Variants in CHRD observed in about 807,000 individuals in gnomAD.
The protein encoded by CHRD is chordin.
In CHRD, 69 loss-of-function variants were observed where a neutral mutation model predicts 113.7. The ratio of observed to expected loss-of-function variants is 0.61; its 90% CI spans 0.50 to 0.74. The LOEUF is 0.74. Ranked by LOEUF, CHRD falls within the 30% of genes least tolerant of loss-of-function variation. CHRD has a pLI of 0.00. For missense variants in CHRD, 1,194 were observed against 1,295.8 expected, an observed-to-expected ratio of 0.92 and a Z score of 1.21; for synonymous variants, 561 against 540.8, an observed-to-expected ratio of 1.04 and a Z score of -0.52.
intron 22 of CHRD, 44 bp downstream of exon 22, chr3:184,389,039 C>T (rs749923711): frequency 2.9e-6 from 4 of 1,374,942 alleles, no homozygotes; most frequent in Non-Finnish European, 4.1e-6. Flanking sequence ...GTGGAGGGCT[C>T]ACCTGCCTGT....
Position 184,384,572 on chromosome 3 carries a change from G to A in CHRD, c.1476G>A (p.Gly492=), listed in dbSNP as rs758551107. 2 of 1,596,650 alleles carry A rather than the reference G, an allele frequency of 1.3e-6. No homozygotes were observed. The highest frequency in any genetic ancestry group is 1.7e-6 in the Non-Finnish European group (2 of 1,171,588). Reference sequence around the variant, plus strand: ...TCTGCCCTGGGCTGGGTGCCCGAGGGGCTCATATGCTGCTGCAGAATGAGC... The same window carrying A: ...TCTGCCCTGGGCTGGGTGCCCGAGGAGCTCATATGCTGCTGCAGAATGAGC... The change falls in exon 13 of 23, where the codon GGG becomes GGA. Residue 492 remains glycine, a synonymous_variant. Transcript: ENST00000204604. This position sits in a 1 kb window ranked among gnomAD's most constrained non-coding sequence, Gnocchi z 4.4.
chr3:184,386,574 C>G (rs746170996), exon 16 of CHRD: 1 of 1,568,524 alleles, frequency 6.4e-7, no homozygotes, highest in Non-Finnish European at 8.6e-7. Context: ...CTGGGGGCTC[C>G]GGATACAGCC....
exon 16 of CHRD, chr3:184,386,584 C>T (rs1716332302): frequency 1.3e-6 from 2 of 1,590,306 alleles, no homozygotes; most frequent in African/African-American, 1.4e-5. Context: ...CGGATACAGC[C>T]TCTGCTGCGC....
At chr3:184,385,999 C>T in intron 14 of CHRD, 47 bp from the exon 15 acceptor site, 2 of 1,586,544 alleles carry the variant, frequency 1.3e-6, no homozygotes, top group Non-Finnish European at 1.7e-6. Context: ...ACAGTAGGCT[C>T]AGCCCTAAAG....
exon 16 of CHRD, chr3:184,386,505 A>G: frequency 1.3e-6 from 2 of 1,539,298 alleles, no homozygotes; most frequent in South Asian, 1.2e-5. Context: ...CACATAGCCA[A>G]CCAATGTGAG....
Position 184,382,494 on chromosome 3 carries a change from T to TG in CHRD, c.810dup (p.Pro271AlafsTer37). ...ACTCACTCACCCTTCAGGGGAGGTC[T>TG]GGGGGCCTCTCATCCGGCACCGGGC... On this transcript the variant is annotated frameshift_variant, in exon 7 of 23. Coordinates refer to ENST00000204604, the Ensembl canonical transcript of CHRD. LOFTEE classifies it high-confidence loss of function. 1 of 1,614,028 alleles carries TG rather than the reference T, an allele frequency of 6.2e-7. No homozygotes were observed. Among genetic ancestry groups the TG allele is most frequent in the Non-Finnish European group, 8.5e-7 (1 of 1,180,010 alleles).
Position 184,384,474 on chromosome 3 carries a change from C to A in CHRD, c.1441-63C>A, listed in dbSNP as rs1715971784. Reference sequence around the variant, plus strand: ...GGGTGGAGTGGGGGCACAAAATGGTCCAAGACTTCAGAACCTTGGACTCGT... The same window carrying A: ...GGGTGGAGTGGGGGCACAAAATGGTACAAGACTTCAGAACCTTGGACTCGT... On this transcript the variant is annotated intron_variant, in intron 12 of 22. Transcript: ENST00000204604. The surrounding 1 kb of genome is among the most constrained non-coding windows in gnomAD (Gnocchi z 4.4). The A allele has an allele frequency of 1.4e-6, 2 of 1,391,068 alleles. No individual in the cohort carries two copies. The highest frequency in any genetic ancestry group is 1.9e-5 in the South Asian group (1 of 52,738). 86.2% of individuals were successfully genotyped at this position (1,391,068 alleles called of 1,614,324 possible).
chr3:184,388,047 C>T lies in CHRD; in HGVS notation c.2554+14C>T, dbSNP rs764291710. The T allele has an allele frequency of 2.5e-6, 4 of 1,607,590 alleles. No individual in the cohort carries two copies. Among genetic ancestry groups the T allele is most frequent in the Admixed American group, 1.7e-5 (1 of 59,236 alleles). ...AACAGTGTCCAGGTGAGAGAGGTGGCTGAGCACTGAGGCCTCACCTTTGGG... is the reference window on the plus strand; with the variant it reads ...AACAGTGTCCAGGTGAGAGAGGTGGTTGAGCACTGAGGCCTCACCTTTGGG... On this transcript the variant is annotated intron_variant, in intron 20 of 22. Coordinates refer to ENST00000204604, the Ensembl canonical transcript of CHRD. The surrounding 1 kb of genome is among the most constrained non-coding windows in gnomAD (Gnocchi z 6.1).
In CHRD at chr3:184,381,754, G is replaced by A; in HGVS notation, c.550G>A (p.Val184Met). 2 of 1,613,222 alleles carry A rather than the reference G, an allele frequency of 1.2e-6. No homozygotes were observed. The highest frequency in any genetic ancestry group is 4.5e-5 in the East Asian group (2 of 44,872). The change falls in exon 5 of 23, where the codon GTG becomes ATG. Residue 184 changes from valine (V) to methionine (M), a missense_variant. Val to Met is a conservative substitution (Grantham distance 21). Transcript: ENST00000204604. This position sits in a 1 kb window ranked among gnomAD's most constrained non-coding sequence, Gnocchi z 4.7. ...GCTGACAGGGCCGAGGTCGCAGGCG[G>A]TGGCACGAGCCCGAGTCTCGCTGCT...
rs748776418 is a variant in CHRD at position 184,388,852 on chromosome 3, G to A, written c.2710-41G>A. The A allele has an allele frequency of 3.1e-6, 5 of 1,605,954 alleles. No homozygotes were observed. The South Asian group carries it at 4.4e-5, about 14-fold the overall frequency. On this transcript the variant is annotated intron_variant, in intron 21 of 22. Coordinates refer to ENST00000204604, the Ensembl canonical transcript of CHRD. The surrounding 1 kb of genome is among the most constrained non-coding windows in gnomAD (Gnocchi z 6.1). Reference sequence around the variant, plus strand: ...AAGCTGAAGGTCACTGTGTCCCAGTGCCTCTGGGGGACACTCAGTGTCTGC... The same window carrying A: ...AAGCTGAAGGTCACTGTGTCCCAGTACCTCTGGGGGACACTCAGTGTCTGC...
At chr3:184,389,409 C>A (rs772205933) in exon 23 of CHRD, 1 of 1,613,642 alleles carries the variant, frequency 6.2e-7, no homozygotes, top group Non-Finnish European at 8.5e-7. Context: ...GAGAAAGAAG[C>A]CGAAGGCTCT....
rs1335311880 is a variant in CHRD at position 184,388,163 on chromosome 3, G to C, written c.2554+130G>C. 1 of 781,356 alleles carries C rather than the reference G, an allele frequency of 1.3e-6. No individual in the cohort carries two copies. Among genetic ancestry groups the C allele is most frequent in the African/African-American group, 1.7e-5 (1 of 58,490 alleles). The allele number at this position is 781,356 out of a possible 1,614,324, so 48.4% of individuals were successfully genotyped here. A position where few individuals can be genotyped will look rare whatever the true frequency, so the allele number is the denominator to read the frequency against. On this transcript the variant is annotated intron_variant, in intron 20 of 22. Coordinates refer to ENST00000204604, the Ensembl canonical transcript of CHRD. This position sits in a 1 kb window ranked among gnomAD's most constrained non-coding sequence, Gnocchi z 6.1. ...TGCTCTGTGCCTAGCCTGGAGCCAG[G>C]ACTCTAAATGCAGTGGAAAGAATGT...
rs1226706342 is a variant in CHRD, at chr3:184,380,689, C to T, written c.149-3C>T. 1.3e-6 allele frequency: 2 copies of T among 1,580,850 alleles called. No individual in the cohort carries two copies. Among genetic ancestry groups the T allele is most frequent in the South Asian group, 1.1e-5 (1 of 87,892 alleles). On this transcript the variant is annotated splice_polypyrimidine_tract_variant and splice_region_variant and intron_variant, in intron 1 of 22. Transcript: ENST00000204604. This position sits in a 1 kb window ranked among gnomAD's most constrained non-coding sequence, Gnocchi z 6.3. ...CGGCCTCCAGCCAAGCCCGTCCCCG[C>T]AGGCTGCACCTTCGGCGGGAAGGTC...
chr3:184,381,239 AG>A lies in CHRD; in HGVS notation c.258del (p.Gln86HisfsTer91), dbSNP rs746958838. Reference sequence around the variant, plus strand: ...TCCCGCCTTTTCCGGGAGCAGCCTCAGTGGGGTCGCCGTACCAGGGGCCCTG... The same window carrying A: ...TCCCGCCTTTTCCGGGAGCAGCCTCATGGGGTCGCCGTACCAGGGGCCCTG... On this transcript the variant is annotated frameshift_variant, in exon 3 of 23. Coordinates refer to ENST00000204604, the Ensembl canonical transcript of CHRD. LOFTEE classifies it high-confidence loss of function. The surrounding 1 kb of genome is among the most constrained non-coding windows in gnomAD (Gnocchi z 4.7). The A allele has an allele frequency of 1.2e-6, 2 of 1,613,224 alleles. No homozygotes were observed. The highest frequency in any genetic ancestry group is 3.3e-5 in the Admixed American group (2 of 60,016).
At chr3:184,386,446 C>A in intron 15 of CHRD, 46 bp from the exon 16 acceptor site, 1 of 1,529,306 alleles carries the variant, frequency 6.5e-7, no homozygotes, top group African/African-American at 1.4e-5. Context: ...CTGGTAAAGA[C>A]GCGAGGGGGA....
intron 11 of CHRD, 24 bp from the exon 12 acceptor site, chr3:184,383,499 C>T: frequency 6.2e-7 from 1 of 1,613,372 alleles, no homozygotes; most frequent in South Asian, 1.1e-5. Flanking sequence ...CTCCACTTTG[C>T]CCTCCTCCAT....
At position 184,387,868 on chromosome 3, in the gene CHRD, G is replaced by C. The variant is rs1716573209; in HGVS notation, c.2452-63G>C. The C allele has an allele frequency of 7.2e-7, 1 of 1,389,956 alleles. No homozygotes were observed. The highest frequency in any genetic ancestry group is 1.0e-6 in the Non-Finnish European group (1 of 993,764). 86.1% of individuals were successfully genotyped at this position (1,389,956 alleles called of 1,614,324 possible). A position where few individuals can be genotyped will look rare whatever the true frequency, so the allele number is the denominator to read the frequency against. ...TGCATTTGAGGTGTGGAATAGGAGA[G>C]GGAGTGGGCAGGAGGCTTATGTGCC... is the stretch of plus-strand genomic sequence containing the variant. On this transcript the variant is annotated intron_variant, in intron 19 of 22. Coordinates refer to ENST00000204604, the Ensembl canonical transcript of CHRD. The surrounding 1 kb of genome is among the most constrained non-coding windows in gnomAD (Gnocchi z 6.1).
chr3:184,381,397 C>T lies in CHRD; in HGVS notation c.382+33C>T. The T allele has an allele frequency of 6.3e-7, 1 of 1,594,232 alleles. No homozygotes were observed. The highest frequency in any genetic ancestry group is 8.5e-7 in the Non-Finnish European group (1 of 1,171,082). ...TTGCTCCGCCCTGCGGGGAGGGAGG[C>T]AGGGCCACGATACTAGGTCCCGGGC... On this transcript the variant is annotated intron_variant, in intron 3 of 22. Coordinates refer to ENST00000204604, the Ensembl canonical transcript of CHRD. This position sits in a 1 kb window ranked among gnomAD's most constrained non-coding sequence, Gnocchi z 4.7.
At position 184,384,854 on chromosome 3, in the gene CHRD, T is replaced by C; in HGVS notation, c.1597+161T>C. On this transcript the variant is annotated intron_variant, in intron 13 of 22. Transcript: ENST00000204604. The surrounding 1 kb of genome is among the most constrained non-coding windows in gnomAD (Gnocchi z 4.4). The stretch of plus-strand genomic sequence containing the variant: ...TGGCCCTGCTGGCGGACTCTTCCTG[T>C]TGCTGAGGTTCAAGGGTCTAAAACT... 8.3e-7 allele frequency: 1 copy of C among 1,202,788 alleles called. No homozygotes were observed. The highest frequency in any genetic ancestry group is 2.3e-5 in the Admixed American group (1 of 43,516). 74.5% of individuals were successfully genotyped at this position (1,202,788 alleles called of 1,614,324 possible).
Sources: gnomAD v4.1 joint callset for allele counts on GRCh38, gnomAD v4.1.1 for gene constraint, Gnocchi (gnomAD v3.1) non-coding constraint, MANE v1.5 for transcripts, NCBI Gene and HGNC (gene_info 2026-07-23, HGNC 2026-07-21) for gene names.